HLF: variants seen among roughly 807,000 people sequenced by gnomAD.
HLF encodes hepatic leukemia factor.
HLF carries 3 observed loss-of-function variants against 22.6 expected under a neutral mutation model. The ratio of observed to expected loss-of-function variants is 0.13; its 90% confidence interval spans 0.06 to 0.34. The LOEUF (loss-of-function observed/expected upper bound fraction) is 0.34. Ranked by LOEUF, HLF falls within the 10% of genes least tolerant of loss-of-function variation. HLF has a pLI of 1.00. For synonymous variants in HLF, 151 were observed against 151.8 expected (o/e 0.99, Z 0.04); for missense variants, 299 against 389.2 (o/e 0.77, Z 1.95).
rs534761623 is a variant in HLF, at chr17:55,319,219, A to G, written c.673-1445A>G. On this transcript the variant is annotated intron_variant, in intron 3 of 3. Coordinates refer to ENST00000226067, the MANE Select transcript of HLF (RefSeq NM_002126.5). ...CACACTTTCTGTATTTGTGCAGGGC[A>G]AATGCCTGTTGAGGGTAATGGGCAG... Among the ~76,000 whole-genome samples the G allele has an allele frequency of 5.2e-4, 79 of 152,300 alleles. 1 individual carries two copies. Among genetic ancestry groups the G allele is most frequent in the African/African-American group, 1.9e-3 (78 of 41,570 alleles).
intron 2 of HLF, among the ~76,000 whole-genome samples, chr17:55,273,837 T>G (rs1211253375): frequency 6.6e-6 from 1 of 151,792 alleles, no homozygotes; most frequent in African/African-American, 2.4e-5. Context: ...ATTGTAATCC[T>G]GACCCTGGCA....
intron 2 of HLF, among the ~76,000 whole-genome samples, chr17:55,295,955 A>G (rs1007566771): frequency 2.6e-5 from 4 of 152,212 alleles, no homozygotes; most frequent in African/African-American, 9.6e-5. Flanking sequence ...TTTTATGGGG[A>G]AAAAATGCAT....
intron 2 of HLF, among the ~76,000 whole-genome samples, chr17:55,295,371 T>TA (rs1380613840): frequency 6.6e-6 from 1 of 152,256 alleles, no homozygotes. Context: ...GTCAGAATGT[T>TA]ATGGGACATT....
At chr17:55,294,928 T>C (rs2081098494) in intron 2 of HLF, among the ~76,000 whole-genome samples, 1 of 152,230 alleles carries the variant, frequency 6.6e-6, no homozygotes, top group Admixed American at 6.5e-5. Context: ...AATAACATAA[T>C]AAAAATTTAT....
At chr17:55,275,304 C>T (rs998971371) in intron 2 of HLF, among the ~76,000 whole-genome samples, 18 of 152,288 alleles carry the variant, frequency 1.2e-4, no homozygotes, top group African/African-American at 4.3e-4. Context: ...TTATGTTTCC[C>T]AGGCTGGTCT....
chr17:55,297,250 G>C (rs1182312662), intron 2 of HLF, among the ~76,000 whole-genome samples: 1 of 152,126 alleles, frequency 6.6e-6, no homozygotes, highest in Non-Finnish European at 1.5e-5. Context: ...TTGTTATTCT[G>C]TAGTTATTTG....
chr17:55,305,960 T>G (rs925167207), intron 2 of HLF, among the ~76,000 whole-genome samples: 2 of 152,242 alleles, frequency 1.3e-5, no homozygotes, highest in Non-Finnish European at 2.9e-5. Context: ...TGTTTTCTAT[T>G]CCTTTATTTC....
intron 2 of HLF, among the ~76,000 whole-genome samples, chr17:55,312,398 G>T (rs149243473): frequency 6.6e-6 from 1 of 152,266 alleles, no homozygotes; most frequent in Non-Finnish European, 1.5e-5. Flanking sequence ...TGCCTCTTGC[G>T]TGAGCAGTCT....
At chr17:55,265,624 C>T (rs764633553) in intron 1 of HLF, 25 bp downstream of exon 1, 1 of 1,499,902 alleles carries the variant, frequency 6.7e-7, no homozygotes, top group Non-Finnish European at 9.1e-7. Flanking sequence ...GGCCCCGCTC[C>T]GGGAAGGGAC....
intron 2 of HLF, among the ~76,000 whole-genome samples, chr17:55,278,760 A>T (rs931971898): frequency 2.0e-5 from 3 of 152,220 alleles, no homozygotes; most frequent in African/African-American, 7.2e-5. Flanking sequence ...CACCTTAGTC[A>T]TTATGATGTG....
In HLF at chr17:55,267,659, G is replaced by A. The variant is rs1397305769; in HGVS notation, c.116-92G>A. 8.0e-6 allele frequency: 7 copies of A among 875,606 alleles called. No individual in the cohort carries two copies. In the Admixed American group the frequency reaches 1.2e-4, roughly 14 times the overall value. The allele number at this position is 875,606 out of a possible 1,614,324, so 54.2% of individuals were successfully genotyped here. ...AGGACCCTGCCATTCGTGAGAAATA[G>A]TCTTATAACAGGCCAGGAAAAGTGA... On this transcript the variant is annotated intron_variant, in intron 1 of 3. Transcript: ENST00000226067.
intron 2 of HLF, among the ~76,000 whole-genome samples, chr17:55,284,350 A>G (rs2080981571): frequency 6.6e-6 from 1 of 152,208 alleles, no homozygotes; most frequent in Non-Finnish European, 1.5e-5. Context: ...AACATTGGCT[A>G]TAGGGATTTA....
At position 55,270,916 on chromosome 17, in the gene HLF, A is replaced by G. The variant is rs547422794; in HGVS notation, c.451+2830A>G. On this transcript the variant is annotated intron_variant, in intron 2 of 3. Transcript: ENST00000226067. ...CTCGGCCTCCCAAAGTGCTGGAATT[A>G]CAGGCGTGAGCCACCGCGCCCGGCC... Among the ~76,000 whole-genome samples, 326 of 152,230 alleles carry G rather than the reference A, an allele frequency of 2.1e-3. 2 individuals carry two copies. Among genetic ancestry groups the G allele is most frequent in the Middle Eastern group, 0.02 (6 of 294 alleles).
rs1905230275 is a variant in HLF, at chr17:55,320,594, C to G, written c.673-70C>G. On this transcript the variant is annotated intron_variant, in intron 3 of 3. Transcript: ENST00000226067. The surrounding 1 kb of genome is among the most constrained non-coding windows in gnomAD (Gnocchi z 4.2). The stretch of plus-strand genomic sequence containing the variant: ...GCACAATCCTGGAGCCTGCCCGTGC[C>G]CTGGCTGGCACTGGGCTTTGCTGAA... The G allele has an allele frequency of 7.0e-7, 1 of 1,433,888 alleles. No individual in the cohort carries two copies. The highest frequency in any genetic ancestry group is 1.2e-5 in the South Asian group (1 of 81,078). 88.8% of individuals were successfully genotyped at this position (1,433,888 alleles called of 1,614,324 possible). A position where few individuals can be genotyped will look rare whatever the true frequency, so the allele number is the denominator to read the frequency against.
rs1399054004 is a variant in HLF, at chr17:55,268,914, C to G, written c.451+828C>G. 5.9e-5 allele frequency among the ~76,000 whole-genome samples: 9 copies of G among 152,154 alleles called. No homozygotes were observed. In the East Asian group the frequency reaches 1.5e-3, roughly 26 times the overall value. ...CAGATATAAACACAGATTGAAGGAG[C>G]TTTGAATTCATGCCTTTAGCACCCT... On this transcript the variant is annotated intron_variant, in intron 2 of 3. Coordinates refer to ENST00000226067, the MANE Select transcript of HLF (RefSeq NM_002126.5).
At chr17:55,313,363 T>C (rs993167468) in intron 2 of HLF, among the ~76,000 whole-genome samples, 7 of 145,396 alleles carry the variant, frequency 4.8e-5, no homozygotes, top group African/African-American at 1.6e-4. Flanking sequence ...TGTGTGCGTG[T>C]GTGTGTGTGT....
intron 1 of HLF, chr17:55,267,545 A>T: frequency 1.9e-6 from 1 of 516,744 alleles, no homozygotes; most frequent in South Asian, 3.1e-5. Context: ...TTCTTTCCAA[A>T]GTAAATAGGA....
chr17:55,311,890 G>A (rs2145366179), intron 2 of HLF, among the ~76,000 whole-genome samples: 1 of 152,282 alleles, frequency 6.6e-6, no homozygotes, highest in East Asian at 1.9e-4. Flanking sequence ...TGTACCCAAT[G>A]TTTAGTTCCT....
intron 1 of HLF, chr17:55,265,860 G>A (rs2080782734): frequency 8.1e-7 from 1 of 1,242,200 alleles, no homozygotes; most frequent in African/African-American, 1.6e-5. Context: ...CGCTCCTGCG[G>A]CGCGGGTGGG....
Sources: gnomAD v4.1 joint callset for allele counts (sites outside exome capture counted in the v4.1 genomes callset) on GRCh38, gnomAD v4.1.1 for gene constraint, Gnocchi (gnomAD v3.1) non-coding constraint, MANE v1.5 for transcripts, NCBI Gene and HGNC (gene_info 2026-07-23, HGNC 2026-07-21) for gene names.